Variants in RBM6 observed in about 807,000 individuals in gnomAD.
RBM6 encodes RNA-binding protein 6.
A neutral mutation model predicts 140.4 loss-of-function variants in RBM6; 23 were observed. The ratio of observed to expected loss-of-function variants is 0.16; its 90% confidence interval spans 0.12 to 0.23. RBM6 has a LOEUF of 0.23. RBM6 is among the 10% of genes least tolerant of loss of function. The pLI, the probability that RBM6 is intolerant of heterozygous loss-of-function variation, is 1.00. For missense variants in RBM6, 1,139 were observed against 1,386.7 expected, an observed-to-expected ratio of 0.82 and a Z score of 2.84; for synonymous variants, 439 against 475.6, an observed-to-expected ratio of 0.92 and a Z score of 1.00.
chr3:50,001,556 T>C (rs1429159510), intron 6 of RBM6, among the ~76,000 whole-genome samples: 2 of 152,226 alleles, frequency 1.3e-5, no homozygotes, highest in Non-Finnish European at 1.5e-5. Context: ...GTGTGTAGGT[T>C]GTATGCAAAT....
intron 6 of RBM6, among the ~76,000 whole-genome samples, chr3:50,027,722 T>G (rs549343089): frequency 6.6e-6 from 1 of 152,372 alleles, no homozygotes; most frequent in South Asian, 2.1e-4. Context: ...TATACCACAT[T>G]GTCTTTATCT....
Position 49,967,052 on chromosome 3 carries a change from A to G in RBM6, c.45-418A>G. Reference sequence around the variant, plus strand: ...TACCTCCTGAAACTTACTGTAAGAAATTTACAGTGCATTGATTTTTCTGAT... The same window carrying G: ...TACCTCCTGAAACTTACTGTAAGAAGTTTACAGTGCATTGATTTTTCTGAT... On this transcript the variant is annotated intron_variant, in intron 2 of 20. Coordinates refer to ENST00000266022, the MANE Select transcript of RBM6 (RefSeq NM_005777.3). The surrounding 1 kb of genome is among the most constrained non-coding windows in gnomAD (Gnocchi z 4.0). The G allele has an allele frequency of 5.1e-6, 1 of 196,028 alleles. No homozygotes were observed. Among genetic ancestry groups the G allele is most frequent in the Non-Finnish European group, 9.6e-6 (1 of 103,756 alleles). The allele number at this position is 196,028 out of a possible 1,614,324, so 12.1% of individuals were successfully genotyped here.
At chr3:49,984,389 T>C (rs2085449667) in intron 5 of RBM6, among the ~76,000 whole-genome samples, 1 of 152,188 alleles carries the variant, frequency 6.6e-6, no homozygotes, top group Admixed American at 6.6e-5. Flanking sequence ...GGTGGATCAC[T>C]TGAGGCCAGG....
At chr3:50,024,016 G>A (rs780308179) in intron 6 of RBM6, among the ~76,000 whole-genome samples, 4 of 152,118 alleles carry the variant, frequency 2.6e-5, no homozygotes, top group African/African-American at 4.8e-5. Context: ...ATCGTTTGTC[G>A]TAATTTTATG....
chr3:50,060,591 CA>C (rs10603676), intron 11 of RBM6, among the ~76,000 whole-genome samples: 45 of 146,204 alleles, frequency 3.1e-4, no homozygotes, highest in East Asian at 8.0e-4. Flanking sequence ...ACTAAAAATA[CA>C]AAAAAAAAAA....
intron 1 of RBM6, among the ~76,000 whole-genome samples, chr3:49,953,258 C>T (rs1438297510): frequency 1.3e-5 from 2 of 148,336 alleles, no homozygotes; most frequent in African/African-American, 2.5e-5. Flanking sequence ...CTTGCCCTGT[C>T]GCCCAGGTTG....
intron 6 of RBM6, among the ~76,000 whole-genome samples, chr3:50,008,454 G>T (rs2086685270): frequency 6.6e-6 from 1 of 151,210 alleles, no homozygotes; most frequent in Non-Finnish European, 1.5e-5. Context: ...TATAACTTTG[G>T]TTTATGACCT....
intron 1 of RBM6, among the ~76,000 whole-genome samples, chr3:49,961,936 G>A (rs1460670302): frequency 6.7e-6 from 1 of 150,156 alleles, no homozygotes; most frequent in Non-Finnish European, 1.5e-5. Context: ...CGGGCGGACT[G>A]CTTGAGCTCA....
In RBM6 at chr3:49,971,977, C is replaced by T; in HGVS notation, c.1324-82C>T. The stretch of plus-strand genomic sequence containing the variant: ...GTGACATGTCATTATCATTTTTGAT[C>T]CTGAGTGGCTAAATTTCATGTTGAT... On this transcript the variant is annotated intron_variant, in intron 3 of 20. Coordinates refer to ENST00000266022, the MANE Select transcript of RBM6 (RefSeq NM_005777.3). The T allele has an allele frequency of 1.1e-5, 11 of 1,013,292 alleles. No homozygotes were observed. In the South Asian group the frequency reaches 1.3e-4, roughly 12 times the overall value. The allele number at this position is 1,013,292 out of a possible 1,614,324, so 62.8% of individuals were successfully genotyped here.
intron 5 of RBM6, among the ~76,000 whole-genome samples, chr3:49,998,863 G>A (rs754552227): frequency 2.0e-5 from 3 of 152,144 alleles, no homozygotes; most frequent in Non-Finnish European, 4.4e-5. Context: ...AGGAAAAAAA[G>A]AGGAGACCTG....
rs1209097065 is a variant in RBM6, at chr3:50,040,485, TATATATATAC to T, written c.1558-7758_1558-7749del. 5.0e-4 allele frequency among the ~76,000 whole-genome samples: 60 copies of T among 119,854 alleles called. 1 individual carries two copies. Among genetic ancestry groups the T allele is most frequent in the South Asian group, 1.9e-3 (8 of 4,108 alleles). 78.6% of individuals were successfully genotyped at this position (119,854 alleles called of 152,430 possible). On this transcript the variant is annotated intron_variant, in intron 6 of 20. Coordinates refer to ENST00000266022, the MANE Select transcript of RBM6 (RefSeq NM_005777.3). ...AAAAAAAAAAAAATATATATATATA[TATATATATAC>T]ACACACACACACACACACACACGTG...
intron 6 of RBM6, among the ~76,000 whole-genome samples, chr3:50,044,129 C>T (rs1233216092): frequency 2.6e-5 from 4 of 151,912 alleles, no homozygotes; most frequent in African/African-American, 2.4e-5. Flanking sequence ...CCACCCGCCT[C>T]GGCCTCCCAA....
intron 14 of RBM6, 119 bp downstream of exon 14, chr3:50,061,666 A>G (rs1201925390): frequency 4.1e-6 from 6 of 1,474,866 alleles, no homozygotes; most frequent in Non-Finnish European, 4.4e-6. Context: ...CTGGATGCTC[A>G]TTGCATGAAA....
chr3:50,015,835 C>T (rs868453795), intron 6 of RBM6, among the ~76,000 whole-genome samples: 5 of 152,036 alleles, frequency 3.3e-5, no homozygotes, highest in South Asian at 4.1e-4. Flanking sequence ...TAATTGTATA[C>T]GTTTATGGAG....
chr3:49,952,656 C>T (rs1424089046), intron 1 of RBM6, among the ~76,000 whole-genome samples: 3 of 151,622 alleles, frequency 2.0e-5, no homozygotes, highest in African/African-American at 4.8e-5. Flanking sequence ...TGCATCACCA[C>T]GCCAGCTAAT....
intron 5 of RBM6, among the ~76,000 whole-genome samples, chr3:49,986,839 G>A (rs2085586597): frequency 6.8e-6 from 1 of 146,070 alleles, no homozygotes; most frequent in Non-Finnish European, 1.5e-5. Context: ...AGGATGGAGT[G>A]CATTGGCATG....
At chr3:50,059,817 G>C (rs2089865820) in intron 11 of RBM6, 71 bp downstream of exon 11, 1 of 1,235,642 alleles carries the variant, frequency 8.1e-7, no homozygotes, top group South Asian at 1.4e-5. Flanking sequence ...CCTTTTCCTG[G>C]CTGGAAAAAC....
At chr3:49,974,646 A>C (rs1186087924) in intron 4 of RBM6, among the ~76,000 whole-genome samples, 4 of 142,938 alleles carry the variant, frequency 2.8e-5, no homozygotes, top group Non-Finnish European at 6.0e-5. Context: ...TGCTGGGATT[A>C]CAGGCGTGAG....
chr3:50,061,083 G>A (rs1223734319), intron 12 of RBM6, 57 bp from the exon 13 acceptor site: 9 of 1,612,176 alleles, frequency 5.6e-6, no homozygotes, highest in Non-Finnish European at 7.6e-6. Context: ...GTGGGTGACT[G>A]TTAAGGTGAA....
Sources: allele counts gnomAD v4.1 joint callset (sites outside exome capture counted in the v4.1 genomes callset), GRCh38; gene constraint gnomAD v4.1.1; non-coding constraint Gnocchi (gnomAD v3.1); transcripts MANE v1.5; gene names NCBI Gene and HGNC (gene_info 2026-07-23, HGNC 2026-07-21).